CTNNA3: variants seen among roughly 807,000 people sequenced by gnomAD.
CTNNA3 encodes catenin alpha-3.
A neutral mutation model predicts 95.7 loss-of-function variants in CTNNA3; 76 were observed. The ratio of observed to expected loss-of-function variants is 0.79; its 90% CI spans 0.66 to 0.96. CTNNA3 has a LOEUF of 0.96. Ranked by LOEUF, CTNNA3 falls within the 40% of genes least tolerant of loss-of-function variation. The pLI is 0.00. For synonymous variants in CTNNA3, 431 were observed against 374.4 expected (o/e 1.15, Z -1.74); for missense variants, 1,191 against 1,089.8 (o/e 1.09, Z -1.31).
At chr10:67,320,680 CA>C (rs1250977381) in intron 5 of CTNNA3, among the ~76,000 whole-genome samples, 7 of 152,048 alleles carry the variant, frequency 4.6e-5, no homozygotes, top group Non-Finnish European at 8.8e-5. Context: ...GGTAGGTATT[CA>C]ATAAATGTTA....
intron 7 of CTNNA3, among the ~76,000 whole-genome samples, chr10:66,815,630 A>T (rs1156724521): frequency 6.6e-6 from 1 of 152,144 alleles, no homozygotes; most frequent in East Asian, 1.9e-4. Context: ...ATCTTTGTTG[A>T]TTGAGGTGGT....
At chr10:67,094,221 T>C (rs1427858390) in intron 7 of CTNNA3, among the ~76,000 whole-genome samples, 1 of 151,930 alleles carries the variant, frequency 6.6e-6, no homozygotes, top group Non-Finnish European at 1.5e-5. Context: ...CAAATTTAGA[T>C]AATAGAGACT....
At chr10:66,957,044 C>T (rs928694381) in intron 7 of CTNNA3, among the ~76,000 whole-genome samples, 11 of 152,142 alleles carry the variant, frequency 7.2e-5, no homozygotes, top group Non-Finnish European at 1.2e-4. Flanking sequence ...AGCCATAATG[C>T]TACCTAGCTC....
chr10:67,595,328 A>G (rs1394277113), intron 3 of CTNNA3, among the ~76,000 whole-genome samples: 1 of 152,072 alleles, frequency 6.6e-6, no homozygotes, highest in African/African-American at 2.4e-5. Context: ...ATTCTGGTAC[A>G]TTGTATCTTT....
chr10:67,021,247 A>G (rs535501371), intron 7 of CTNNA3, among the ~76,000 whole-genome samples: 1 of 152,320 alleles, frequency 6.6e-6, no homozygotes, highest in East Asian at 1.9e-4. Flanking sequence ...TCAATTATTA[A>G]GCAAAGATAT....
intron 7 of CTNNA3, among the ~76,000 whole-genome samples, chr10:66,809,373 A>G (rs900363502): frequency 6.6e-6 from 1 of 152,190 alleles, no homozygotes; most frequent in Admixed American, 6.5e-5. Context: ...CATCATTTTT[A>G]CTAAAAGTAT....
intron 2 of CTNNA3, among the ~76,000 whole-genome samples, chr10:67,635,316 T>C (rs1292631133): frequency 6.6e-6 from 1 of 152,188 alleles, no homozygotes; most frequent in Non-Finnish European, 1.5e-5. Context: ...CTCTAACTCA[T>C]TCTATGAGGC....
chr10:66,200,237 A>G (rs1194830157), intron 13 of CTNNA3, among the ~76,000 whole-genome samples: 1 of 139,508 alleles, frequency 7.2e-6, no homozygotes, highest in Non-Finnish European at 1.6e-5. Context: ...AGGTAAGGGA[A>G]GGGAGGGGAG....
At chr10:66,367,946 C>A (rs2092725705) in intron 12 of CTNNA3, among the ~76,000 whole-genome samples, 1 of 146,896 alleles carries the variant, frequency 6.8e-6, no homozygotes, top group African/African-American at 2.5e-5. Context: ...AGCCCGCTGA[C>A]TTTGTATTCT....
intron 7 of CTNNA3, among the ~76,000 whole-genome samples, chr10:67,005,929 G>A (rs1310393719): frequency 2.0e-5 from 3 of 151,720 alleles, no homozygotes; most frequent in Middle Eastern, 3.4e-3. Context: ...CAGGTGACCT[G>A]CCTGCCTTGG....
chr10:67,211,585 T>A (rs1051393954), intron 6 of CTNNA3, among the ~76,000 whole-genome samples: 1 of 152,218 alleles, frequency 6.6e-6, no homozygotes, highest in Non-Finnish European at 1.5e-5. Context: ...GCAATTACTA[T>A]GTACCTGGCA....
At chr10:66,360,458 A>G (rs1231424532) in intron 12 of CTNNA3, among the ~76,000 whole-genome samples, 1 of 152,154 alleles carries the variant, frequency 6.6e-6, no homozygotes, top group Non-Finnish European at 1.5e-5. Context: ...TTTGAATATG[A>G]CATCTGAATT....
chr10:67,205,106 G>C (rs535150372), intron 6 of CTNNA3, among the ~76,000 whole-genome samples: 1 of 152,228 alleles, frequency 6.6e-6, no homozygotes, highest in South Asian at 2.1e-4. Flanking sequence ...CTTTACAAAG[G>C]CAGTTTAGTT....
chr10:66,136,847 A>G (rs1006831048), intron 13 of CTNNA3, among the ~76,000 whole-genome samples: 2 of 151,560 alleles, frequency 1.3e-5, no homozygotes, highest in Non-Finnish European at 2.9e-5. Context: ...TTTTTGAGAT[A>G]GAGTCTCACT....
rs1174361427 is a variant in CTNNA3, at chr10:67,301,975, AAAAGAAAG to A, written c.580-82113_580-82106del. Among the ~76,000 whole-genome samples the A allele has an allele frequency of 2.3e-4, 27 of 118,632 alleles. 4 individuals carry two copies. Among genetic ancestry groups the A allele is most frequent in the Middle Eastern group, 3.8e-3 (1 of 260 alleles). 77.8% of individuals were successfully genotyped at this position (118,632 alleles called of 152,430 possible). ...CAGAGCGAGACTCGTCAAGAAAGAAAAAAGAAAGAAAGAAAGAACGAAAGAACGAAAGA... is the reference window on the plus strand; with the variant it reads ...CAGAGCGAGACTCGTCAAGAAAGAAAAAAGAAAGAACGAAAGAACGAAAGA... On this transcript the variant is annotated intron_variant, in intron 5 of 17. Coordinates refer to ENST00000433211, the MANE Select transcript of CTNNA3 (RefSeq NM_013266.4).
At chr10:67,263,065 T>G (rs1866681890) in intron 5 of CTNNA3, among the ~76,000 whole-genome samples, 1 of 152,182 alleles carries the variant, frequency 6.6e-6, no homozygotes, top group Non-Finnish European at 1.5e-5. Context: ...TGGAGAAAAC[T>G]AAGTCTCTAC....
chr10:66,063,267 T>G (rs943709871), intron 15 of CTNNA3, among the ~76,000 whole-genome samples: 1 of 148,118 alleles, frequency 6.8e-6, no homozygotes, highest in Non-Finnish European at 1.5e-5. Context: ...TATATAGATT[T>G]ATATATCCAG....
chr10:67,133,111 T>G (rs1049355293), intron 7 of CTNNA3, among the ~76,000 whole-genome samples: 2 of 151,498 alleles, frequency 1.3e-5, no homozygotes, highest in African/African-American at 4.9e-5. Flanking sequence ...AACACTCAGG[T>G]GATGGAGACC....
At chr10:66,442,149 T>C (rs559461098) in intron 11 of CTNNA3, among the ~76,000 whole-genome samples, 1 of 152,200 alleles carries the variant, frequency 6.6e-6, no homozygotes, top group Non-Finnish European at 1.5e-5. Flanking sequence ...AGTATAACTA[T>C]TTACACAGCA....
Sources: gnomAD v4.1 joint callset for allele counts (sites outside exome capture counted in the v4.1 genomes callset) on GRCh38, gnomAD v4.1.1 for gene constraint, MANE v1.5 for transcripts, NCBI Gene and HGNC (gene_info 2026-07-23, HGNC 2026-07-21) for gene names.